Variants in MTCL1 observed in about 807,000 individuals in gnomAD.
MTCL1 encodes microtubule cross-linking factor 1.
A neutral mutation model predicts 141.4 loss-of-function variants in MTCL1; 79 were observed. The ratio of observed to expected loss-of-function variants is 0.56; its 90% CI spans 0.47 to 0.67. MTCL1 has a LOEUF of 0.67. Ranked by LOEUF, MTCL1 falls within the 30% of genes least tolerant of loss-of-function variation. MTCL1 has a pLI of 0.00. For synonymous variants in MTCL1, 914 were observed against 875.8 expected (o/e 1.04, Z -0.77); for missense variants, 2,177 against 2,113.9 (o/e 1.03, Z -0.59).
chr18:8,816,320 G>A (rs575456460), intron 12 of MTCL1, among the ~76,000 whole-genome samples: 5 of 152,326 alleles, frequency 3.3e-5, no homozygotes, highest in African/African-American at 1.2e-4. Context: ...GGTGAAAGCA[G>A]TAACACTAAA....
intron 1 of MTCL1, among the ~76,000 whole-genome samples, chr18:8,709,218 G>A (rs1162011060): frequency 1.3e-5 from 2 of 151,640 alleles, no homozygotes; most frequent in African/African-American, 4.8e-5. Flanking sequence ...TTGAAGGGAT[G>A]GTCTTGCTCC....
intron 4 of MTCL1, among the ~76,000 whole-genome samples, chr18:8,760,346 A>G (rs570761386): frequency 6.6e-6 from 1 of 152,324 alleles, no homozygotes; most frequent in African/African-American, 2.4e-5. Flanking sequence ...TCCCCACCTC[A>G]TATTGGTGGT....
exon 12 of MTCL1, chr18:8,812,985 G>C: frequency 6.2e-7 from 1 of 1,609,550 alleles, no homozygotes. Context: ...ACAGCTGGAA[G>C]AGAAGACTGA....
At chr18:8,706,949 A>C in intron 1 of MTCL1, 3 of 595,184 alleles carry the variant, frequency 5.0e-6, no homozygotes, top group South Asian at 2.7e-5. Flanking sequence ...CGCGTCTAGA[A>C]CTCTTGCGTC....
chr18:8,775,391 T>G, intron 4 of MTCL1, among the ~76,000 whole-genome samples: 1 of 139,950 alleles, frequency 7.1e-6, no homozygotes. Flanking sequence ...GCCAACATGG[T>G]GAAACCTCGT....
At chr18:8,767,722 C>A (rs573063960) in intron 4 of MTCL1, among the ~76,000 whole-genome samples, 72 of 151,340 alleles carry the variant, frequency 4.8e-4, no homozygotes, top group African/African-American at 1.7e-3. Flanking sequence ...AGGTCAATTC[C>A]ATTGTCCTTA....
chr18:8,767,934 A>G (rs2096466925), intron 4 of MTCL1, among the ~76,000 whole-genome samples: 1 of 152,224 alleles, frequency 6.6e-6, no homozygotes, highest in Non-Finnish European at 1.5e-5. Context: ...GATATTAAGT[A>G]TATATTTTTA....
chr18:8,818,673 C>T (rs761580069), intron 12 of MTCL1, among the ~76,000 whole-genome samples: 2 of 152,220 alleles, frequency 1.3e-5, no homozygotes, highest in Non-Finnish European at 2.9e-5. Context: ...ATGAGCACAA[C>T]ACTCAGAGTT....
At chr18:8,735,246 T>C (rs2096269607) in intron 4 of MTCL1, among the ~76,000 whole-genome samples, 1 of 152,180 alleles carries the variant, frequency 6.6e-6, no homozygotes, top group African/African-American at 2.4e-5. Flanking sequence ...CCTTTGTCTA[T>C]GGTGGATTTG....
intron 4 of MTCL1, among the ~76,000 whole-genome samples, chr18:8,757,209 AG>A (rs60404603): frequency 0.076 from 11,635 of 152,228 alleles, 1,480 homozygotes; most frequent in African/African-American, 0.26. Flanking sequence ...TTTTCATCCC[AG>A]GTTCAGAATT....
At chr18:8,754,601 G>T (rs142061605) in intron 4 of MTCL1, among the ~76,000 whole-genome samples, 101 of 152,256 alleles carry the variant, frequency 6.6e-4, no homozygotes, top group Middle Eastern at 3.4e-3. Context: ...GAACCAAGTC[G>T]TTTTGTAAGA....
At chr18:8,807,183 GGAGT>G (rs2076329891) in intron 11 of MTCL1, 123 bp downstream of exon 10, 2 of 1,038,418 alleles carry the variant, frequency 1.9e-6, no homozygotes, top group East Asian at 5.3e-5. Context: ...AAAAAAGAGA[GGAGT>G]GGCTGCTTGT....
At chr18:8,788,891 T>A (rs992388853) in intron 7 of MTCL1, among the ~76,000 whole-genome samples, 1 of 152,202 alleles carries the variant, frequency 6.6e-6, no homozygotes, top group African/African-American at 2.4e-5. Context: ...TCAGGAGATA[T>A]TAGCGAGATG....
intron 1 of MTCL1, among the ~76,000 whole-genome samples, chr18:8,708,866 C>T (rs1239209598): frequency 1.3e-5 from 2 of 152,200 alleles, no homozygotes; most frequent in Non-Finnish European, 1.5e-5. Context: ...CTGAGGCCAC[C>T]TCCCCACTGT....
chr18:8,831,294 C>G, intron 16 of MTCL1: 1 of 1,174,088 alleles, frequency 8.5e-7, no homozygotes, highest in Non-Finnish European at 1.1e-6. Context: ...GAGACCGCTG[C>G]CACAGTCACT....
intron 11 of MTCL1, among the ~76,000 whole-genome samples, chr18:8,812,021 A>G (rs958237035): frequency 3.9e-5 from 6 of 152,364 alleles, no homozygotes; most frequent in South Asian, 2.1e-4. Context: ...GCAACAGTGT[A>G]TTCCCAGTTC....
At position 8,793,125 on chromosome 18, in the gene MTCL1, A is replaced by T; in HGVS notation, c.2010+5A>T. The T allele has an allele frequency of 4.3e-6, 7 of 1,613,426 alleles. No individual in the cohort carries two copies. The highest frequency in any genetic ancestry group is 5.1e-6 in the Non-Finnish European group (6 of 1,179,624). On this transcript the variant is annotated splice_donor_5th_base_variant and intron_variant, in intron 8 of 16. Transcript: ENST00000359865. ...TTTACAAACAAGATCCATAAGGTAA[A>T]TATTTAACACGGACTCAGCACAACC...
exon 15 of MTCL1, chr18:8,825,560 G>T: frequency 1.2e-6 from 2 of 1,613,106 alleles, no homozygotes; most frequent in Non-Finnish European, 1.7e-6. Context: ...TCACTCCAAA[G>T]GCTGGGGGCG....
At chr18:8,784,803 C>G (rs2096545564) in exon 6 of MTCL1, 3 of 1,607,496 alleles carry the variant, frequency 1.9e-6, no homozygotes, top group Non-Finnish European at 1.7e-6. Flanking sequence ...CGGGACTCCC[C>G]CATCGGGAAC....
Sources: gnomAD v4.1 joint callset for allele counts (sites outside exome capture counted in the v4.1 genomes callset) on GRCh38, gnomAD v4.1.1 for gene constraint, MANE v1.5 for transcripts, NCBI Gene and HGNC (gene_info 2026-07-23, HGNC 2026-07-21) for gene names.